NSMCE2: variants seen among roughly 807,000 people sequenced by gnomAD.
The protein encoded by NSMCE2 is E3 SUMO-protein ligase NSE2.
In NSMCE2, 24 loss-of-function variants were observed where a neutral mutation model predicts 23.8. That is an observed-to-expected ratio of 1.01 (90% CI 0.73 to 1.42). The LOEUF (loss-of-function observed/expected upper bound fraction) is 1.42, where lower values mean the gene tolerates loss of function less well. Ranked by LOEUF, NSMCE2 falls within the 40% of genes most tolerant of loss-of-function variation. The pLI, the probability that NSMCE2 is intolerant of heterozygous loss-of-function variation, is 0.00. For synonymous variants in NSMCE2, 92 were observed against 94.1 expected, an observed-to-expected ratio of 0.98 and a Z score of 0.13; for missense variants, 284 against 296.5, an observed-to-expected ratio of 0.96 and a Z score of 0.31.
At chr8:125,360,552 A>G (rs1813493418) in intron 7 of NSMCE2, among the ~76,000 whole-genome samples, 1 of 152,110 alleles carries the variant, frequency 6.6e-6, no homozygotes, top group Non-Finnish European at 1.5e-5. Flanking sequence ...CCCCTAAAAA[A>G]GCAGTCTAAA....
At chr8:125,306,315 G>A (rs1431353944) in intron 5 of NSMCE2, among the ~76,000 whole-genome samples, 1 of 151,404 alleles carries the variant, frequency 6.6e-6, no homozygotes, top group Non-Finnish European at 1.5e-5. Flanking sequence ...GGGCAACAGA[G>A]ACCCTGTCTC....
At chr8:125,270,106 G>A (rs1353871267) in intron 5 of NSMCE2, among the ~76,000 whole-genome samples, 2 of 152,054 alleles carry the variant, frequency 1.3e-5, no homozygotes, top group African/African-American at 4.8e-5. Context: ...TAAGGAGAGA[G>A]GTAAAAAATG....
At chr8:125,292,080 G>A (rs1260207190) in intron 5 of NSMCE2, among the ~76,000 whole-genome samples, 5 of 152,048 alleles carry the variant, frequency 3.3e-5, no homozygotes, top group Admixed American at 6.6e-5. Context: ...CATTAGCCAG[G>A]ATTGAGTCAC....
intron 5 of NSMCE2, among the ~76,000 whole-genome samples, chr8:125,352,494 A>T (rs1232108791): frequency 6.6e-6 from 1 of 151,626 alleles, no homozygotes; most frequent in African/African-American, 2.4e-5. Flanking sequence ...AAAAAAAAAA[A>T]TTTGGGAGCA....
chr8:125,291,300 G>C (rs1586726953), intron 5 of NSMCE2, among the ~76,000 whole-genome samples: 1 of 152,090 alleles, frequency 6.6e-6, no homozygotes, highest in East Asian at 1.9e-4. Context: ...TAAAAAACTA[G>C]TTTACATTAG....
At chr8:125,346,089 A>G (rs1020992770) in intron 5 of NSMCE2, among the ~76,000 whole-genome samples, 2 of 152,148 alleles carry the variant, frequency 1.3e-5, no homozygotes, top group African/African-American at 4.8e-5. Flanking sequence ...GCCAGGAGGC[A>G]AAGGTTGCAG....
At chr8:125,275,014 A>G (rs1307660488) in intron 5 of NSMCE2, among the ~76,000 whole-genome samples, 11 of 145,972 alleles carry the variant, frequency 7.5e-5, no homozygotes, top group Non-Finnish European at 1.5e-4. Flanking sequence ...TAATAATAAT[A>G]ATAATAATAA....
chr8:125,114,206 T>TA (rs1818891104), intron 3 of NSMCE2, among the ~76,000 whole-genome samples: 1 of 152,176 alleles, frequency 6.6e-6, no homozygotes, highest in African/African-American at 2.4e-5. Context: ...GTTTAATACT[T>TA]ACCACTACCT....
At chr8:125,203,192 TAA>T (rs562376977) in intron 5 of NSMCE2, among the ~76,000 whole-genome samples, 6 of 144,846 alleles carry the variant, frequency 4.1e-5, no homozygotes, top group Admixed American at 1.4e-4. Flanking sequence ...AGTTAGCCTT[TAA>T]AAAAAAAAAA....
At chr8:125,226,850 C>T (rs1408764633) in intron 5 of NSMCE2, among the ~76,000 whole-genome samples, 1 of 152,042 alleles carries the variant, frequency 6.6e-6, no homozygotes, top group Non-Finnish European at 1.5e-5. Context: ...CTGCTTTCTC[C>T]CTTAGTTTCC....
At chr8:125,103,296 ACT>A (rs1818293515) in intron 3 of NSMCE2, among the ~76,000 whole-genome samples, 2 of 150,798 alleles carry the variant, frequency 1.3e-5, no homozygotes, top group Admixed American at 6.6e-5. Flanking sequence ...ACAGAGCAAG[ACT>A]CTGTCTCAAA....
At chr8:125,343,062 A>C (rs1034301176) in intron 5 of NSMCE2, among the ~76,000 whole-genome samples, 1 of 152,244 alleles carries the variant, frequency 6.6e-6, no homozygotes, top group Non-Finnish European at 1.5e-5. Flanking sequence ...CTCTCTATCA[A>C]ATGCATGTAA....
chr8:125,171,717 T>C (rs1822217421), intron 4 of NSMCE2, among the ~76,000 whole-genome samples: 2 of 152,150 alleles, frequency 1.3e-5, no homozygotes, highest in South Asian at 4.1e-4. Context: ...GCTATAATAA[T>C]AATAATAACA....
chr8:125,362,263 C>T (rs1312563899), intron 7 of NSMCE2, among the ~76,000 whole-genome samples: 1 of 152,256 alleles, frequency 6.6e-6, no homozygotes, highest in African/African-American at 2.4e-5. Context: ...TGATTCAGCA[C>T]TGTGGCATGA....
intron 5 of NSMCE2, among the ~76,000 whole-genome samples, chr8:125,207,032 C>T (rs1824144540): frequency 6.6e-6 from 1 of 152,126 alleles, no homozygotes; most frequent in Non-Finnish European, 1.5e-5. Flanking sequence ...TTTCCTATTA[C>T]CAAGGATGCA....
intron 3 of NSMCE2, among the ~76,000 whole-genome samples, chr8:125,129,107 A>T (rs1298514296): frequency 6.6e-6 from 1 of 152,176 alleles, no homozygotes; most frequent in African/African-American, 2.4e-5. Context: ...AAAGATATAG[A>T]TATGACAAAA....
chr8:125,231,743 C>T (rs959749235), intron 5 of NSMCE2, among the ~76,000 whole-genome samples: 13 of 151,994 alleles, frequency 8.6e-5, no homozygotes, highest in African/African-American at 3.1e-4. Context: ...TGCTGCAGGT[C>T]ATAGTAAAAG....
At chr8:125,210,772 G>A (rs1023754838) in intron 5 of NSMCE2, among the ~76,000 whole-genome samples, 2 of 152,072 alleles carry the variant, frequency 1.3e-5, no homozygotes, top group African/African-American at 4.8e-5. Context: ...GGAGTGCAGT[G>A]GCGTGATCTC....
intron 3 of NSMCE2, among the ~76,000 whole-genome samples, chr8:125,120,039 T>C (rs114074401): frequency 0.018 from 2,755 of 152,258 alleles, 93 homozygotes; most frequent in African/African-American, 0.063. Context: ...AATGTTTTAT[T>C]TAAACAAATA....
Sources: gnomAD v4.1 joint callset for allele counts (sites outside exome capture counted in the v4.1 genomes callset) on GRCh38, gnomAD v4.1.1 for gene constraint, MANE v1.5 for transcripts, NCBI Gene and HGNC (gene_info 2026-07-23, HGNC 2026-07-21) for gene names.